PIEZO2: variants seen among roughly 807,000 people sequenced by gnomAD.
PIEZO2 encodes the protein piezo type mechanosensitive ion channel component 2.
A neutral mutation model predicts 337.3 loss-of-function variants in PIEZO2; 172 were observed. The ratio of observed to expected loss-of-function variants is 0.51; its 90% CI spans 0.45 to 0.58. The LOEUF is 0.58. Among genes scored for constraint, PIEZO2 ranks in the 20% least tolerant of loss-of-function variants. The pLI, the probability that PIEZO2 is intolerant of heterozygous loss-of-function variation, is 0.00. For missense variants in PIEZO2, 3,028 were observed against 3,391.3 expected, an observed-to-expected ratio of 0.89 and a Z score of 2.66; for synonymous variants, 1,251 against 1,228.5, an observed-to-expected ratio of 1.02 and a Z score of -0.38.
At chr18:10,768,389 G>T (rs2038455672) in intron 21 of PIEZO2, among the ~76,000 whole-genome samples, 1 of 152,184 alleles carries the variant, frequency 6.6e-6, no homozygotes, top group Admixed American at 6.5e-5. Flanking sequence ...TCACCAAATT[G>T]ATTGCTTAGT....
chr18:10,685,697 GC>G (rs1432665927), intron 49 of PIEZO2, among the ~76,000 whole-genome samples: 1 of 152,180 alleles, frequency 6.6e-6, no homozygotes, highest in Admixed American at 6.5e-5. Flanking sequence ...TCATTCAGGG[GC>G]TTTTGTGATT....
intron 36 of PIEZO2, among the ~76,000 whole-genome samples, chr18:10,730,749 C>T (rs577343960): frequency 2.0e-5 from 3 of 152,192 alleles, no homozygotes; most frequent in Admixed American, 6.5e-5. Context: ...ATTTTTTAGA[C>T]GGGGTCTCCC....
rs1252135993 is a variant in PIEZO2 at position 10,781,092 on chromosome 18, A to G, written c.2493-726T>C. Among the ~76,000 whole-genome samples, 1 of 152,120 alleles carries G rather than the reference A, an allele frequency of 6.6e-6. No individual in the cohort carries two copies. Among genetic ancestry groups the G allele is most frequent in the Non-Finnish European group, 1.5e-5 (1 of 68,030 alleles). On this transcript the variant is annotated intron_variant, in intron 17 of 55. Coordinates refer to ENST00000674853, the MANE Select transcript of PIEZO2 (RefSeq NM_001378183.1). The surrounding 1 kb of genome is among the most constrained non-coding windows in gnomAD (Gnocchi z 4.1). ...TGTTGTTTTCTAAGGTTTTGCTAAA[A>G]CTATAGTTTAAAAAAAGTCATTTCA...
intron 3 of PIEZO2, among the ~76,000 whole-genome samples, chr18:10,932,164 C>G (rs264252): frequency 0.63 from 95,659 of 152,088 alleles, 30,658 homozygotes; most frequent in African/African-American, 0.75. Context: ...TATATAAGCA[C>G]AACACTTTTT....
intron 2 of PIEZO2, among the ~76,000 whole-genome samples, chr18:11,007,916 GA>G (rs540364011): frequency 3.0e-4 from 45 of 152,282 alleles, no homozygotes; most frequent in African/African-American, 1.1e-3. Flanking sequence ...TCTACAGGAA[GA>G]AAAGAAGAGC....
At chr18:10,917,094 AG>A (rs1258013406) in intron 3 of PIEZO2, among the ~76,000 whole-genome samples, 2 of 146,184 alleles carry the variant, frequency 1.4e-5, no homozygotes, top group African/African-American at 5.1e-5. Flanking sequence ...CCCCAAGTAC[AG>A]GGGGAGTTCG....
rs1411573809 is a variant in PIEZO2, at chr18:11,097,979, A to G, written c.65-31757T>C. ...ATATACTCATCTTTAAAAATGAATT[A>G]ATAATAAAAACTAATGCTCATATAC... is the stretch of plus-strand genomic sequence containing the variant. On this transcript the variant is annotated intron_variant, in intron 1 of 55. Coordinates refer to ENST00000674853, the MANE Select transcript of PIEZO2 (RefSeq NM_001378183.1). This position sits in a 1 kb window ranked among gnomAD's most constrained non-coding sequence, Gnocchi z 5.0. Among the ~76,000 whole-genome samples the G allele has an allele frequency of 6.6e-6, 1 of 152,168 alleles. No homozygotes were observed. The highest frequency in any genetic ancestry group is 1.5e-5 in the Non-Finnish European group (1 of 68,034).
chr18:10,740,364 C>G (rs954537623), intron 33 of PIEZO2: 2 of 152,336 alleles, frequency 1.3e-5, no homozygotes, highest in African/African-American at 4.8e-5. Flanking sequence ...TTGGTCGTCT[C>G]TGAGCATCAG....
At position 10,676,330 on chromosome 18, in the gene PIEZO2, G is replaced by A. The variant is rs1341148642; in HGVS notation, c.8082-1042C>T. ...TTCCATGCATTACAATGGGGCCAGG[G>A]CAGTCTGGAGGACAAAACTGGGGCC... On this transcript the variant is annotated intron_variant, in intron 53 of 55. Transcript: ENST00000674853. The surrounding 1 kb of genome is among the most constrained non-coding windows in gnomAD (Gnocchi z 5.1). 6.6e-6 allele frequency among the ~76,000 whole-genome samples: 1 copy of A among 152,162 alleles called. No individual in the cohort carries two copies. The highest frequency in any genetic ancestry group is 1.5e-5 in the Non-Finnish European group (1 of 68,022).
At position 10,815,244 on chromosome 18, in the gene PIEZO2, A is replaced by T. The variant is rs58274547; in HGVS notation, c.918-7970T>A. ...TTTTAAAGCACACCTTTTAAATGAA[A>T]TTGCCTTAGCATGAACTCAGGATAA... On this transcript the variant is annotated intron_variant, in intron 7 of 55. Coordinates refer to ENST00000674853, the MANE Select transcript of PIEZO2 (RefSeq NM_001378183.1). The surrounding 1 kb of genome is among the most constrained non-coding windows in gnomAD (Gnocchi z 4.1). 5.3e-3 allele frequency among the ~76,000 whole-genome samples: 815 copies of T among 152,340 alleles called. 13 individuals carry two copies. The highest frequency in any genetic ancestry group is 0.022 in the Admixed American group (344 of 15,302).
At chr18:10,990,583 T>C (rs546672103) in intron 2 of PIEZO2, among the ~76,000 whole-genome samples, 1 of 152,134 alleles carries the variant, frequency 6.6e-6, no homozygotes, top group East Asian at 1.9e-4. Flanking sequence ...ATAAGACAAA[T>C]ATATACATGA....
intron 2 of PIEZO2, among the ~76,000 whole-genome samples, chr18:11,059,004 G>A (rs576580332): frequency 7.9e-5 from 12 of 152,330 alleles, no homozygotes; most frequent in Non-Finnish European, 1.8e-4. Context: ...GGCAGCCAGA[G>A]AGAAAGGTTG....
Position 10,850,931 on chromosome 18 carries a change from GGTTAA to G in PIEZO2, c.917+4417_917+4421del, listed in dbSNP as rs2041529048. 6.6e-6 allele frequency among the ~76,000 whole-genome samples: 1 copy of G among 152,000 alleles called. No individual in the cohort carries two copies. Among genetic ancestry groups the G allele is most frequent in the Non-Finnish European group, 1.5e-5 (1 of 68,010 alleles). On this transcript the variant is annotated intron_variant, in intron 7 of 55. Transcript: ENST00000674853. This position sits in a 1 kb window ranked among gnomAD's most constrained non-coding sequence, Gnocchi z 4.5. ...ATCAATTCAATATTTCTAAAAATAA[GGTTAA>G]TTCTCACCAGAGAGCACATTTGAAA...
intron 3 of PIEZO2, among the ~76,000 whole-genome samples, chr18:10,918,808 TTATA>T (rs1219531604): frequency 1.3e-5 from 2 of 152,150 alleles, no homozygotes; most frequent in Middle Eastern, 3.4e-3. Flanking sequence ...ACTTTACTGC[TTATA>T]TAGTGTTCCA....
chr18:11,113,213 G>T (rs1180310109), intron 1 of PIEZO2, among the ~76,000 whole-genome samples: 1 of 152,196 alleles, frequency 6.6e-6, no homozygotes, highest in Non-Finnish European at 1.5e-5. Flanking sequence ...TGACTGCAAA[G>T]AACTTGTCTT....
chr18:10,918,040 C>T (rs2031123222), intron 3 of PIEZO2, among the ~76,000 whole-genome samples: 1 of 152,100 alleles, frequency 6.6e-6, no homozygotes, highest in South Asian at 2.1e-4. Flanking sequence ...TTTTACTTTG[C>T]CAATATTAAG....
intron 7 of PIEZO2, among the ~76,000 whole-genome samples, chr18:10,845,530 C>G (rs144774605): frequency 5.9e-5 from 9 of 152,234 alleles, no homozygotes; most frequent in South Asian, 2.1e-4. Flanking sequence ...ACAGAAAATT[C>G]CAGGGGGAAC....
intron 1 of PIEZO2, among the ~76,000 whole-genome samples, chr18:11,140,455 C>A (rs1275265426): frequency 6.6e-6 from 1 of 152,204 alleles, no homozygotes; most frequent in Non-Finnish European, 1.5e-5. Flanking sequence ...ATCATTATTC[C>A]ACACCCTAAT....
At chr18:10,741,949 C>G (rs1041602222) in intron 32 of PIEZO2, among the ~76,000 whole-genome samples, 1 of 151,708 alleles carries the variant, frequency 6.6e-6, no homozygotes, top group Non-Finnish European at 1.5e-5. Flanking sequence ...GTCAGGAGAT[C>G]GAGACCATCC....
Sources: allele counts gnomAD v4.1 joint callset (sites outside exome capture counted in the v4.1 genomes callset), GRCh38; gene constraint gnomAD v4.1.1; non-coding constraint Gnocchi (gnomAD v3.1); transcripts MANE v1.5; gene names NCBI Gene and HGNC (gene_info 2026-07-23, HGNC 2026-07-21).